GALNTL6: variants seen among roughly 807,000 people sequenced by gnomAD.
GALNTL6 encodes the protein polypeptide N-acetylgalactosaminyltransferase like 6.
Under a neutral mutation model 73.7 loss-of-function variants are expected in GALNTL6, and 46 were observed. The observed-to-expected ratio is 0.62, with a 90% CI of 0.49 to 0.80. The LOEUF is 0.80. Among genes scored for constraint, GALNTL6 ranks in the 30% least tolerant of loss-of-function variants. The pLI is 0.00. For synonymous variants in GALNTL6, 259 were observed against 263.7 expected (o/e 0.98, Z 0.17); for missense variants, 604 against 755.0 (o/e 0.80, Z 2.34).
chr4:172,394,572 C>G (rs1743783905), intron 5 of GALNTL6, among the ~76,000 whole-genome samples: 1 of 151,868 alleles, frequency 6.6e-6, no homozygotes, highest in African/African-American at 2.4e-5. Context: ...GCTGGGGCCA[C>G]AGGCACACAC....
intron 2 of GALNTL6, among the ~76,000 whole-genome samples, chr4:171,816,574 T>A (rs1248685115): frequency 6.6e-6 from 1 of 151,992 alleles, no homozygotes; most frequent in African/African-American, 2.4e-5. Context: ...GTTTAATAAC[T>A]CTATGTAGAG....
At chr4:172,856,960 T>G (rs1173569742) in intron 7 of GALNTL6, among the ~76,000 whole-genome samples, 3 of 152,224 alleles carry the variant, frequency 2.0e-5, no homozygotes, top group African/African-American at 4.8e-5. Context: ...TTGCAGCACA[T>G]TTTAGTAGAA....
chr4:172,914,866 C>T (rs1376755278), intron 8 of GALNTL6, among the ~76,000 whole-genome samples: 2 of 152,126 alleles, frequency 1.3e-5, no homozygotes, highest in African/African-American at 4.8e-5. Context: ...CAAGGATATC[C>T]AGGACTTGAA....
intron 5 of GALNTL6, among the ~76,000 whole-genome samples, chr4:172,636,714 A>C (rs1376800629): frequency 6.6e-6 from 1 of 152,224 alleles, no homozygotes; most frequent in Non-Finnish European, 1.5e-5. Flanking sequence ...GCTTTAAGTC[A>C]GTAAGTGTGG....
At chr4:172,422,977 C>A (rs1405660684) in intron 5 of GALNTL6, among the ~76,000 whole-genome samples, 19 of 151,396 alleles carry the variant, frequency 1.3e-4, no homozygotes, top group Admixed American at 1.1e-3. Context: ...TCTACCTCTG[C>A]AAATGAAGAA....
chr4:172,413,167 G>T (rs1278475211), intron 5 of GALNTL6, among the ~76,000 whole-genome samples: 1 of 152,102 alleles, frequency 6.6e-6, no homozygotes, highest in African/African-American at 2.4e-5. Context: ...ACTTAAACAG[G>T]GTTCATCACA....
chr4:172,952,347 C>A, intron 10 of GALNTL6, 89 bp downstream of exon 10: 1 of 853,304 alleles, frequency 1.2e-6, no homozygotes, highest in Non-Finnish European at 1.9e-6. Flanking sequence ...CTGCTAAAAC[C>A]TTCACTTTTA....
intron 7 of GALNTL6, among the ~76,000 whole-genome samples, chr4:172,814,083 C>G (rs1288640876): frequency 1.3e-5 from 2 of 152,164 alleles, no homozygotes; most frequent in African/African-American, 4.8e-5. Flanking sequence ...CTGAAAACAA[C>G]TATTTTGTTT....
intron 11 of GALNTL6, among the ~76,000 whole-genome samples, chr4:173,016,621 C>G (rs1189809020): frequency 1.3e-5 from 2 of 152,192 alleles, no homozygotes; most frequent in Non-Finnish European, 2.9e-5. Context: ...TTACCCAATG[C>G]CTGTACCCAC....
chr4:172,340,496 G>C (rs1328108332), intron 4 of GALNTL6, among the ~76,000 whole-genome samples: 1 of 152,014 alleles, frequency 6.6e-6, no homozygotes, highest in Non-Finnish European at 1.5e-5. Flanking sequence ...TCAGGGTAGC[G>C]CTGGCCTCAT....
At chr4:171,934,989 C>G (rs1396368491) in intron 2 of GALNTL6, among the ~76,000 whole-genome samples, 5 of 152,064 alleles carry the variant, frequency 3.3e-5, no homozygotes, top group Non-Finnish European at 5.9e-5. Flanking sequence ...CTCTCCTGAC[C>G]CTTGAAGCAT....
At chr4:172,174,816 A>G (rs1734940613) in intron 2 of GALNTL6, among the ~76,000 whole-genome samples, 1 of 152,172 alleles carries the variant, frequency 6.6e-6, no homozygotes, top group Non-Finnish European at 1.5e-5. Flanking sequence ...AAAATAATCA[A>G]TATGCACAAT....
At position 171,887,081 on chromosome 4, in the gene GALNTL6, A is replaced by C. The variant is rs560371702; in HGVS notation, c.138+72363A>C. On this transcript the variant is annotated intron_variant, in intron 2 of 12. Coordinates refer to ENST00000506823, the MANE Select transcript of GALNTL6 (RefSeq NM_001034845.3). ...TTTGTAGACTGAGCATTTCAAAGTAAAGTTGCCTGCATCTGGTAAGGGCCT... is the reference window on the plus strand; with the variant it reads ...TTTGTAGACTGAGCATTTCAAAGTACAGTTGCCTGCATCTGGTAAGGGCCT... Among the ~76,000 whole-genome samples, 5 of 152,304 alleles carry C rather than the reference A, an allele frequency of 3.3e-5. No individual in the cohort carries two copies. The South Asian group carries it at 1.0e-3, about 32-fold the overall frequency.
chr4:172,309,973 T>A (rs557716220), intron 3 of GALNTL6, among the ~76,000 whole-genome samples: 8 of 152,018 alleles, frequency 5.3e-5, no homozygotes, highest in Admixed American at 2.6e-4. Context: ...CTGATATATA[T>A]AAAAATATCA....
chr4:171,910,162 AAC>A (rs1407648867), intron 2 of GALNTL6, among the ~76,000 whole-genome samples: 1 of 152,086 alleles, frequency 6.6e-6, no homozygotes, highest in Non-Finnish European at 1.5e-5. Flanking sequence ...CCAAAAACAA[AAC>A]AGAGCAAAAC....
At chr4:172,311,831 ACTGCG>A (rs1740375500) in intron 4 of GALNTL6, 79 bp downstream of exon 4, 13 of 932,620 alleles carry the variant, frequency 1.4e-5, no homozygotes, top group Non-Finnish European at 2.0e-5. Flanking sequence ...AATGTGTATC[ACTGCG>A]AGATATGTAA....
chr4:172,995,353 C>CT (rs1007301934), intron 10 of GALNTL6, among the ~76,000 whole-genome samples: 1 of 152,174 alleles, frequency 6.6e-6, no homozygotes, highest in Admixed American at 6.5e-5. Context: ...TTGCAGGCCA[C>CT]TTGAGGTTTC....
intron 2 of GALNTL6, among the ~76,000 whole-genome samples, chr4:172,212,965 C>T (rs1157377550): frequency 2.0e-5 from 3 of 152,190 alleles, no homozygotes; most frequent in African/African-American, 7.2e-5. Flanking sequence ...GCCACCACGC[C>T]CGGCCAACCA....
intron 5 of GALNTL6, among the ~76,000 whole-genome samples, chr4:172,590,535 A>G (rs1297245929): frequency 6.6e-6 from 1 of 152,198 alleles, no homozygotes; most frequent in African/African-American, 2.4e-5. Context: ...TTGTCCATAA[A>G]TAAACCTCCC....
Sources: allele counts gnomAD v4.1 joint callset (sites outside exome capture counted in the v4.1 genomes callset), GRCh38; gene constraint gnomAD v4.1.1; transcripts MANE v1.5; gene names NCBI Gene and HGNC (gene_info 2026-07-23, HGNC 2026-07-21).